ADGRB1: variants seen among roughly 807,000 people sequenced by gnomAD.
ADGRB1 encodes the protein adhesion G protein-coupled receptor B1.
Under a neutral mutation model 175.7 loss-of-function variants are expected in ADGRB1, and 36 were observed. The observed-to-expected ratio is 0.20, with a 90% CI of 0.16 to 0.27. The LOEUF is 0.27. Ranked by LOEUF, ADGRB1 falls within the 10% of genes least tolerant of loss-of-function variation. The probability of loss-of-function intolerance (pLI) is 1.00; values close to 1 mark genes in which losing one functional copy is unlikely to be tolerated. For synonymous variants in ADGRB1, 1,054 were observed against 979.4 expected (o/e 1.08, Z -1.42); for missense variants, 1,731 against 2,255.3 (o/e 0.77, Z 4.71).
intron 17 of ADGRB1, among the ~76,000 whole-genome samples, chr8:142,502,396 GTGA>G (rs1214191147): frequency 5.5e-5 from 5 of 90,594 alleles, no homozygotes; most frequent in South Asian, 4.0e-4. Flanking sequence ...GACAGTGGTG[GTGA>G]TGGTGGTGGT....
intron 17 of ADGRB1, among the ~76,000 whole-genome samples, chr8:142,508,066 G>T (rs144588721): frequency 3.9e-5 from 6 of 152,104 alleles, no homozygotes; most frequent in African/African-American, 1.4e-4. Context: ...TTATGTGTCT[G>T]GCTGCATGCC....
intron 7 of ADGRB1, 143 bp from the exon 8 acceptor site, chr8:142,479,180 C>A: frequency 1.1e-6 from 1 of 937,568 alleles, no homozygotes; most frequent in Non-Finnish European, 1.4e-6. Context: ...CTTCTTTGAC[C>A]TCCTGCCCCA....
intron 20 of ADGRB1, 91 bp from the exon 21 acceptor site, chr8:142,521,874 T>C (rs1175368038): frequency 6.9e-7 from 1 of 1,458,308 alleles, no homozygotes; most frequent in African/African-American, 1.4e-5. Context: ...TGCTGGGTGC[T>C]GGGCTGCCAG....
chr8:142,534,270 G>A (rs1844802912), intron 25 of ADGRB1, among the ~76,000 whole-genome samples: 1 of 152,232 alleles, frequency 6.6e-6, no homozygotes, highest in Admixed American at 6.5e-5. Flanking sequence ...GCCACAGGAA[G>A]GTCAGGCGTG....
chr8:142,451,295 T>C (rs1839336089), intron 1 of ADGRB1, among the ~76,000 whole-genome samples: 1 of 152,154 alleles, frequency 6.6e-6, no homozygotes, highest in Non-Finnish European at 1.5e-5. Flanking sequence ...AGAGAACGCC[T>C]AATCTGGCAC....
chr8:142,470,530 GGTGT>G (rs1358629921), intron 2 of ADGRB1, among the ~76,000 whole-genome samples: 1 of 151,164 alleles, frequency 6.6e-6, no homozygotes, highest in African/African-American at 2.4e-5. Flanking sequence ...GTCCCTCTGT[GGTGT>G]GTGTCCCTGT....
chr8:142,529,233 G>T lies in ADGRB1; in HGVS notation c.3398+2606G>T, dbSNP rs536954694. Among the ~76,000 whole-genome samples, 18 of 151,808 alleles carry T rather than the reference G, an allele frequency of 1.2e-4. No homozygotes were observed. The East Asian group carries it at 1.6e-3, about 13-fold the overall frequency. On this transcript the variant is annotated intron_variant, in intron 24 of 30. Coordinates refer to ENST00000517894, the MANE Select transcript of ADGRB1 (RefSeq NM_001702.3). ...GTGAGTGTGCATGCATGCCACTGGG[G>T]GTGTGTGGGTATGCATGTCACCAGG...
rs1842780302 is a variant in ADGRB1 at position 142,504,916 on chromosome 8, G to A, written c.2676-6016G>A. 6.6e-6 allele frequency among the ~76,000 whole-genome samples: 1 copy of A among 152,132 alleles called. No individual in the cohort carries two copies. The highest frequency in any genetic ancestry group is 6.5e-5 in the Admixed American group (1 of 15,280). ...CTCCTGGCTTCTTTCTGTTATGTGG[G>A]AGGACACCCTGTGAGTCATTCACAC... On this transcript the variant is annotated intron_variant, in intron 17 of 30. Transcript: ENST00000517894. This position sits in a 1 kb window ranked among gnomAD's most constrained non-coding sequence, Gnocchi z 5.6.
chr8:142,520,396 G>GC (rs1563735839), intron 19 of ADGRB1, among the ~76,000 whole-genome samples: 2 of 14,356 alleles, frequency 1.4e-4, no homozygotes, highest in African/African-American at 3.9e-4. Flanking sequence ...GGTAGTGATT[G>GC]TGATGTTGGT....
At chr8:142,519,366 C>G (rs1415776557) in intron 19 of ADGRB1, among the ~76,000 whole-genome samples, 2 of 152,144 alleles carry the variant, frequency 1.3e-5, no homozygotes, top group Non-Finnish European at 2.9e-5. Context: ...CGTGACCTGC[C>G]CAAGGTCATG....
At chr8:142,475,338 C>T (rs185779289) in intron 2 of ADGRB1, 136 bp from the exon 3 acceptor site, 7 of 934,764 alleles carry the variant, frequency 7.5e-6, no homozygotes, top group Non-Finnish European at 8.4e-6. Context: ...CAGGTCCTCC[C>T]AGGCCAGGCC....
intron 27 of ADGRB1, among the ~76,000 whole-genome samples, chr8:142,541,537 C>T (rs556265503): frequency 4.1e-4 from 62 of 152,292 alleles, no homozygotes; most frequent in South Asian, 1.0e-3. Context: ...GGGCCGTGGG[C>T]GTCGGGAGCG....
intron 24 of ADGRB1, among the ~76,000 whole-genome samples, chr8:142,529,639 C>T (rs551905360): frequency 2.0e-5 from 3 of 149,826 alleles, no homozygotes; most frequent in South Asian, 2.2e-4. Context: ...TGTGAGCATG[C>T]ATCTGTATAT....
chr8:142,518,176 C>G lies in ADGRB1; in HGVS notation c.2856C>G (p.Ile952Met). The change falls in exon 19 of 31, where the codon ATC becomes ATG. Residue 952 changes from isoleucine (I) to methionine (M), a missense_variant. Coordinates refer to ENST00000517894, the MANE Select transcript of ADGRB1 (RefSeq NM_001702.3). ...CGACTCTGCCGTCGGTGACGCTCAT[C>G]GTGGGCTGTGGCGTGTCCTCTCTCA... The part of the protein sequence containing the change: ...EKATLPSVTL[I>M]VGCGVSSLTL... The G allele has an allele frequency of 6.2e-7, 1 of 1,613,812 alleles. No individual in the cohort carries two copies. The highest frequency in any genetic ancestry group is 8.5e-7 in the Non-Finnish European group (1 of 1,179,812).
At chr8:142,532,250 A>C (rs1844665046) in intron 24 of ADGRB1, among the ~76,000 whole-genome samples, 1 of 152,080 alleles carries the variant, frequency 6.6e-6, no homozygotes, top group African/African-American at 2.4e-5. Flanking sequence ...CCTCCCGAGC[A>C]CTCACCGCAG....
intron 4 of ADGRB1, 67 bp from the exon 5 acceptor site, chr8:142,477,047 G>A: frequency 7.0e-7 from 1 of 1,434,520 alleles, no homozygotes; most frequent in South Asian, 1.5e-5. Flanking sequence ...CCTGCTGCGG[G>A]GTCTGGCCCC....
chr8:142,515,453 G>C (rs1461722103), intron 18 of ADGRB1, among the ~76,000 whole-genome samples: 3 of 152,210 alleles, frequency 2.0e-5, no homozygotes, highest in South Asian at 4.1e-4. Flanking sequence ...ACCAGTGGGA[G>C]AGCTGGCGGG....
intron 20 of ADGRB1, 72 bp from the exon 21 acceptor site, chr8:142,521,893 A>T: frequency 6.6e-7 from 1 of 1,507,342 alleles, no homozygotes; most frequent in Non-Finnish European, 8.9e-7. Flanking sequence ...AGCTGCAGAC[A>T]GGCACTCAGT....
chr8:142,526,503 G>GGCCCCACC lies in ADGRB1; in HGVS notation c.3313-39_3313-38insGCCCCACC. On this transcript the variant is annotated intron_variant, in intron 23 of 30. Transcript: ENST00000517894. ...AGTGTCAGCCCCTGAGCCTACGGCG[G>GGCCCCACC]CCCCCACCCCCACACCCCCACCACT... The GGCCCCACC allele has an allele frequency of 3.2e-6, 4 of 1,259,264 alleles. No individual in the cohort carries two copies. In the South Asian group the frequency reaches 3.8e-5, roughly 12 times the overall value. The allele number at this position is 1,259,264 out of a possible 1,614,324, so 78.0% of individuals were successfully genotyped here.
Sources: allele counts gnomAD v4.1 joint callset (sites outside exome capture counted in the v4.1 genomes callset), GRCh38; gene constraint gnomAD v4.1.1; non-coding constraint Gnocchi (gnomAD v3.1); transcripts MANE v1.5; gene names NCBI Gene and HGNC (gene_info 2026-07-23, HGNC 2026-07-21).